Variants in OSBPL8 observed in about 807,000 individuals in gnomAD.
OSBPL8 encodes oxysterol binding protein like 8.
A neutral mutation model predicts 125.5 loss-of-function variants in OSBPL8; 59 were observed. The observed-to-expected ratio is 0.47, with a 90% CI of 0.38 to 0.58. The LOEUF (loss-of-function observed/expected upper bound fraction) is 0.58. Among genes scored for constraint, OSBPL8 ranks in the 20% least tolerant of loss-of-function variants. The pLI is 0.00. For synonymous variants in OSBPL8, 330 were observed against 338.9 expected (o/e 0.97, Z 0.29); for missense variants, 758 against 1,047.8 (o/e 0.72, Z 3.82).
chr12:76,521,869 T>A (rs984301939), intron 1 of OSBPL8, among the ~76,000 whole-genome samples: 2 of 152,196 alleles, frequency 1.3e-5, no homozygotes, highest in African/African-American at 4.8e-5. Context: ...TGGAAATGGA[T>A]GATACTGATG....
intron 1 of OSBPL8, among the ~76,000 whole-genome samples, chr12:76,518,636 G>C (rs1168607535): frequency 6.6e-6 from 1 of 152,222 alleles, no homozygotes; most frequent in East Asian, 1.9e-4. Context: ...GGGCACCCAG[G>C]CTTTCTCATA....
intron 2 of OSBPL8, among the ~76,000 whole-genome samples, chr12:76,472,155 G>A (rs770794569): frequency 1.1e-4 from 17 of 152,136 alleles, no homozygotes; most frequent in Non-Finnish European, 2.9e-5. Context: ...CGTATAGCTC[G>A]GGAAAAGCTA....
At chr12:76,357,600 TCTAA>T in intron 22 of OSBPL8, among the ~76,000 whole-genome samples, 1 of 152,298 alleles carries the variant, frequency 6.6e-6, no homozygotes, top group Middle Eastern at 3.4e-3. Context: ...GGTTCATTCC[TCTAA>T]CTACTCTAGT....
intron 2 of OSBPL8, among the ~76,000 whole-genome samples, chr12:76,476,480 T>C (rs1289915666): frequency 1.3e-5 from 2 of 152,020 alleles, no homozygotes; most frequent in South Asian, 2.1e-4. Flanking sequence ...TAATACTGGG[T>C]ATAAAAATAT....
intron 2 of OSBPL8, among the ~76,000 whole-genome samples, chr12:76,479,888 C>T (rs1236733848): frequency 3.3e-5 from 5 of 151,982 alleles, no homozygotes; most frequent in African/African-American, 7.3e-5. Context: ...TATGAGAGGC[C>T]GGGCGCGGTG....
intron 22 of OSBPL8, among the ~76,000 whole-genome samples, chr12:76,357,839 G>A (rs989620634): frequency 6.6e-6 from 1 of 151,736 alleles, no homozygotes; most frequent in Non-Finnish European, 1.5e-5. Context: ...AAACTCAGTA[G>A]AGATTATGGC....
chr12:76,548,718 C>T (rs1017971838), intron 1 of OSBPL8, among the ~76,000 whole-genome samples: 1 of 152,030 alleles, frequency 6.6e-6, no homozygotes, highest in Non-Finnish European at 1.5e-5. Flanking sequence ...CTACCTTGCC[C>T]CACAAAGTGC....
chr12:76,559,259 AAGG>A (rs1951201753), intron 1 of OSBPL8, 135 bp downstream of exon 1: 1 of 152,886 alleles, frequency 6.5e-6, no homozygotes, highest in Non-Finnish European at 1.5e-5. Flanking sequence ...AAAGGGAACA[AAGG>A]AGCCAAAGAA....
At chr12:76,458,738 T>C (rs1433746780) in intron 3 of OSBPL8, among the ~76,000 whole-genome samples, 3 of 151,604 alleles carry the variant, frequency 2.0e-5, no homozygotes, top group Admixed American at 2.0e-4. Flanking sequence ...TTAAATCCTC[T>C]CTTTTTAGAA....
At chr12:76,442,503 AT>A (rs1403839884) in intron 4 of OSBPL8, among the ~76,000 whole-genome samples, 4 of 152,178 alleles carry the variant, frequency 2.6e-5, no homozygotes, top group Admixed American at 6.5e-5. Context: ...TGCATTAAGG[AT>A]TTTAAAACTC....
At chr12:76,515,704 TC>T (rs1447752042) in intron 1 of OSBPL8, among the ~76,000 whole-genome samples, 3 of 151,908 alleles carry the variant, frequency 2.0e-5, no homozygotes, top group South Asian at 4.2e-4. Context: ...CAGGGGAGGT[TC>T]CCCTGCCTCT....
chr12:76,353,889 C>A lies in OSBPL8; in HGVS notation c.*2000G>T, dbSNP rs1951900221. On this transcript the variant is annotated 3_prime_UTR_variant, in exon 24 of 24. Transcript: ENST00000261183. ...TAAAGAACACAACTACCTATTTAGT[C>A]TTAGAAGATACCCATACAAATAAAA... 1 of 152,338 alleles carries A rather than the reference C, an allele frequency of 6.6e-6. No homozygotes were observed. Among genetic ancestry groups the A allele is most frequent in the Admixed American group, 6.6e-5 (1 of 15,254 alleles). The allele number at this position is 152,338 out of a possible 1,614,324, so 9.4% of individuals were successfully genotyped here.
At chr12:76,504,394 A>G (rs1359853624) in intron 1 of OSBPL8, among the ~76,000 whole-genome samples, 1 of 152,226 alleles carries the variant, frequency 6.6e-6, no homozygotes, top group Non-Finnish European at 1.5e-5. Context: ...AGAAGCTAAA[A>G]GCACGGAAAC....
chr12:76,378,637 C>T, intron 15 of OSBPL8, 87 bp from the exon 16 acceptor site: 2 of 874,510 alleles, frequency 2.3e-6, no homozygotes, highest in Non-Finnish European at 3.6e-6. Flanking sequence ...ACCTACCAGA[C>T]ATCTACAGTA....
At chr12:76,503,399 CG>C (rs1392550124) in intron 1 of OSBPL8, among the ~76,000 whole-genome samples, 1 of 152,146 alleles carries the variant, frequency 6.6e-6, no homozygotes, top group African/African-American at 2.4e-5. Context: ...ATACTGAATT[CG>C]GGTCCACCCT....
At chr12:76,525,562 T>C (rs1272699316) in intron 1 of OSBPL8, among the ~76,000 whole-genome samples, 1 of 152,158 alleles carries the variant, frequency 6.6e-6, no homozygotes, top group Non-Finnish European at 1.5e-5. Flanking sequence ...TTGATCTATT[T>C]GAACTTTAAA....
chr12:76,526,641 T>C (rs1179784419), intron 1 of OSBPL8, among the ~76,000 whole-genome samples: 5 of 56,286 alleles, frequency 8.9e-5, no homozygotes, highest in Admixed American at 7.5e-4. Flanking sequence ...ATCTCTTTTT[T>C]TTTTTTTTTT....
At chr12:76,524,993 A>G (rs1281607263) in intron 1 of OSBPL8, among the ~76,000 whole-genome samples, 1 of 152,092 alleles carries the variant, frequency 6.6e-6, no homozygotes, top group African/African-American at 2.4e-5. Flanking sequence ...CATAATTACA[A>G]TTTTAAATGA....
chr12:76,375,388 G>A lies in OSBPL8; in HGVS notation c.1730-18C>T. On this transcript the variant is annotated intron_variant, in intron 16 of 23. Coordinates refer to ENST00000261183, the MANE Select transcript of OSBPL8 (RefSeq NM_020841.5). ...AAGAATTCCTAAAGGAAAAAGATTT[G>A]ACAAAAAATTGAAAAGAGTATAGTA... 6.4e-7 allele frequency: 1 copy of A among 1,573,354 alleles called. No homozygotes were observed. The highest frequency in any genetic ancestry group is 1.1e-5 in the South Asian group (1 of 89,912).
Sources: allele counts gnomAD v4.1 joint callset (sites outside exome capture counted in the v4.1 genomes callset), GRCh38; gene constraint gnomAD v4.1.1; transcripts MANE v1.5; gene names NCBI Gene and HGNC (gene_info 2026-07-23, HGNC 2026-07-21).